The following MDM2 variants were observed in gnomAD, a reference collection of about 807,000 sequenced individuals.
MDM2 encodes the protein MDM2 proto-oncogene.
In MDM2, 11 loss-of-function variants were observed where a neutral mutation model predicts 64.3. The observed-to-expected ratio is 0.17, with a 90% CI of 0.11 to 0.28. The LOEUF (loss-of-function observed/expected upper bound fraction) is 0.28, where lower values mean the gene tolerates loss of function less well. Among genes scored for constraint, MDM2 ranks in the 10% least tolerant of loss-of-function variants. MDM2 has a pLI of 1.00. For synonymous variants in MDM2, 194 were observed against 192.9 expected (o/e 1.01, Z -0.05); for missense variants, 388 against 577.1 (o/e 0.67, Z 3.36).
chr12:68,808,894 C>G (rs1880604729), intron 1 of MDM2: 2 of 1,356,226 alleles, frequency 1.5e-6, no homozygotes, highest in African/African-American at 3.0e-5. Flanking sequence ...GTTCAGTGGG[C>G]AGGTTGACTC....
chr12:68,846,129 A>AT (rs1390952839), downstream of MDM2: 1 of 151,852 alleles, frequency 6.6e-6, no homozygotes, highest in African/African-American at 2.4e-5. Context: ...TTTTTTTTGT[A>AT]TTTTTAGTAG....
intron 7 of MDM2, 112 bp downstream of exon 7, chr12:68,824,763 A>C: frequency 1.5e-6 from 1 of 687,334 alleles, no homozygotes. Context: ...GGTTGAGATG[A>C]ATTAACCTCT....
Position 68,808,454 on chromosome 12 carries a change from C to A in MDM2, c.-24C>A, listed in dbSNP as rs2136103895. 1 of 1,614,026 alleles carries A rather than the reference C, an allele frequency of 6.2e-7. No individual in the cohort carries two copies. Among genetic ancestry groups the A allele is most frequent in the Non-Finnish European group, 8.5e-7 (1 of 1,179,978 alleles). On this transcript the variant is annotated 5_prime_UTR_variant, in exon 1 of 11. Transcript: ENST00000258149. Reference sequence around the variant, plus strand: ...AAACTGGGGAGTCTTGAGGGACCCCCGACTCCAAGCGCGAAAACCCCGGAT... The same window carrying A: ...AAACTGGGGAGTCTTGAGGGACCCCAGACTCCAAGCGCGAAAACCCCGGAT...
chr12:68,832,147 T>TC (rs1421733404), intron 8 of MDM2, among the ~76,000 whole-genome samples: 1 of 152,184 alleles, frequency 6.6e-6, no homozygotes, highest in Non-Finnish European at 1.5e-5. Context: ...AGTTTTTTTT[T>TC]CTTCTTCGTT....
At chr12:68,823,859 A>C (rs1030823369) in intron 5 of MDM2, among the ~76,000 whole-genome samples, 50 of 152,222 alleles carry the variant, frequency 3.3e-4, no homozygotes, top group African/African-American at 1.2e-3. Context: ...GAATGACAGC[A>C]TGAGTCCTGC....
Position 68,833,323 on chromosome 12 carries a change from A to ATAAATATAAAAATATATATTTATG in MDM2, c.685-2495_685-2472dup, listed in dbSNP as rs1883042098. On this transcript the variant is annotated intron_variant, in intron 8 of 10. Transcript: ENST00000258149. ...TATATAAATATAAAAATATAATTATATAAATATAAAAATATATATTTATGT... is the reference window on the plus strand; with the variant it reads ...TATATAAATATAAAAATATAATTATATAAATATAAAAATATATATTTATGTAAATATAAAAATATATATTTATGT... Among the ~76,000 whole-genome samples, 11 of 133,194 alleles carry ATAAATATAAAAATATATATTTATG rather than the reference A, an allele frequency of 8.3e-5. 1 individual carries two copies. The highest frequency in any genetic ancestry group is 7.3e-4 in the Admixed American group (9 of 12,332). 87.4% of individuals were successfully genotyped at this position (133,194 alleles called of 152,430 possible). A position where few individuals can be genotyped will look rare whatever the true frequency, so the allele number is the denominator to read the frequency against.
chr12:68,839,553 T>C lies in MDM2; in HGVS notation c.1198T>C (p.Tyr400His). 6.2e-7 allele frequency: 1 copy of C among 1,613,788 alleles called. No individual in the cohort carries two copies. The highest frequency in any genetic ancestry group is 8.5e-7 in the Non-Finnish European group (1 of 1,180,024). Residue 400 changes from tyrosine (Y) to histidine (H), a missense_variant, in exon 11 of 11, where the codon TAT (tyrosine) becomes CAT (histidine). Around this residue, in one of 5 missense-constraint regions of MDM2, gnomAD observed 138 missense variants for 143.7 expected, o/e 0.96. Transcript: ENST00000258149. ...TTCACAATCACAAGAAAGTGAAGAC[T>C]ATTCTCAGCCATCAACTTCTAGTAG... ...QASQSQESEDYSQPSTSSSII... is the reference protein window; with the variant it reads ...QASQSQESEDHSQPSTSSSII...
chr12:68,811,051 G>C (rs1185518098), intron 2 of MDM2, among the ~76,000 whole-genome samples: 2 of 151,854 alleles, frequency 1.3e-5, no homozygotes, highest in African/African-American at 4.8e-5. Context: ...TTTTAGTAGA[G>C]ATGGGGTTTT....
chr12:68,809,483 AT>A (rs1880670062), intron 2 of MDM2, among the ~76,000 whole-genome samples, 191 bp downstream of exon 2: 1 of 152,172 alleles, frequency 6.6e-6, no homozygotes, highest in Non-Finnish European at 1.5e-5. Context: ...TTTTTTAGCC[AT>A]TTGCCACATT....
In MDM2 at chr12:68,836,680, A is replaced by G. The variant is rs757467242; in HGVS notation, c.849A>G (p.Gln283=). ...TGAATGTGTTTTATTAGGTATATCA[A>G]GTTACTGTGTATCAGGCAGGGGAGA... The part of the protein sequence containing the change: ...ELSDEDDEVY[Q]VTVYQAGESD... The change falls in exon 10 of 11, where the codon CAA becomes CAG. Residue 283 remains glutamine (Q), a synonymous_variant. Coordinates refer to ENST00000258149, the MANE Select transcript of MDM2 (RefSeq NM_002392.6). The G allele has an allele frequency of 1.9e-6, 3 of 1,610,234 alleles. No individual in the cohort carries two copies. Among genetic ancestry groups the G allele is most frequent in the East Asian group, 2.2e-5 (1 of 44,708 alleles).
At chr12:68,837,762 T>A (rs1422838848) in intron 10 of MDM2, among the ~76,000 whole-genome samples, 2 of 152,240 alleles carry the variant, frequency 1.3e-5, no homozygotes, top group Non-Finnish European at 2.9e-5. Flanking sequence ...TTCACTGAGT[T>A]CCTGAGGTAT....
Position 68,843,944 on chromosome 12 carries a change from C to T in MDM2, c.*4095C>T, listed in dbSNP as rs1037342720. 1.4e-5 allele frequency: 3 copies of T among 210,380 alleles called. No individual in the cohort carries two copies. The highest frequency in any genetic ancestry group is 6.8e-5 in the African/African-American group (3 of 43,862). The allele number at this position is 210,380 out of a possible 1,614,324, so 13.0% of individuals were successfully genotyped here. A position where few individuals can be genotyped will look rare whatever the true frequency, so the allele number is the denominator to read the frequency against. ...TTTTTTCCTTTGGAGGTCCTCAAAG[C>T]ATTATTGGAGTTCATAATACTGAAG... On this transcript the variant is annotated 3_prime_UTR_variant, in exon 11 of 11. Coordinates refer to ENST00000258149, the MANE Select transcript of MDM2 (RefSeq NM_002392.6).
intron 8 of MDM2, among the ~76,000 whole-genome samples, chr12:68,831,026 A>C (rs1290474891): frequency 6.6e-6 from 1 of 152,074 alleles, no homozygotes; most frequent in African/African-American, 2.4e-5. Flanking sequence ...GTTTTTGTTA[A>C]AGTTATATCA....
chr12:68,818,097 A>G (rs748776402), intron 4 of MDM2, among the ~76,000 whole-genome samples: 1 of 152,116 alleles, frequency 6.6e-6, no homozygotes, highest in Non-Finnish European at 1.5e-5. Context: ...CCCGGCCTAC[A>G]TTTGGAATTC....
At chr12:68,831,708 G>A (rs1341986092) in intron 8 of MDM2, among the ~76,000 whole-genome samples, 1 of 152,158 alleles carries the variant, frequency 6.6e-6, no homozygotes, top group East Asian at 1.9e-4. Flanking sequence ...CTCGTGTGGA[G>A]TAGAGGGGTA....
At position 68,825,889 on chromosome 12, in the gene MDM2, A is replaced by G. The variant is rs3730583; in HGVS notation, c.523+1238A>G. On this transcript the variant is annotated intron_variant, in intron 7 of 10. Transcript: ENST00000258149. The stretch of plus-strand genomic sequence containing the variant: ...CTAGGGCAGAGGTGGAACTAGAACA[A>G]ATGGTAGTTACTTGGGGAAAAGGTG... 1.9e-4 allele frequency among the ~76,000 whole-genome samples: 29 copies of G among 152,362 alleles called. 1 individual carries two copies. The highest frequency in any genetic ancestry group is 1.8e-3 in the Admixed American group (27 of 15,300).
At chr12:68,808,983 A>T in intron 1 of MDM2, 1 of 1,428,726 alleles carries the variant, frequency 7.0e-7, no homozygotes, top group Non-Finnish European at 9.1e-7. Flanking sequence ...ACTTGTCTCC[A>T]GCTGGGGCTA....
intron 5 of MDM2, 183 bp downstream of exon 5, chr12:68,820,557 A>T (rs1881758892): frequency 1.8e-6 from 1 of 569,842 alleles, no homozygotes; most frequent in South Asian, 2.3e-5. Flanking sequence ...TGAGGTTCTA[A>T]TGTAAAGTTA....
At chr12:68,815,433 C>CTTT (rs58178593) in intron 3 of MDM2, among the ~76,000 whole-genome samples, 1,557 of 92,830 alleles carry the variant, frequency 0.017, 39 homozygotes, top group African/African-American at 0.02. Context: ...GTTTCTTCTT[C>CTTT]TTTTTTTTTT....
Sources: gnomAD v4.1 joint callset for allele counts (sites outside exome capture counted in the v4.1 genomes callset) on GRCh38, gnomAD v4.1.1 for gene constraint, gnomAD v4.1.1 regional missense constraint, MANE v1.5 for transcripts, NCBI Gene and HGNC (gene_info 2026-07-23, HGNC 2026-07-21) for gene names.